Variants in MYBPC1 observed in about 807,000 individuals in gnomAD.
MYBPC1 encodes myosin-binding protein C, slow-type.
Under a neutral mutation model 147.1 loss-of-function variants are expected in MYBPC1, and 52 were observed. That is an observed-to-expected ratio of 0.35 (90% CI 0.28 to 0.45). MYBPC1 has a LOEUF of 0.45. Among genes scored for constraint, MYBPC1 ranks in the 20% least tolerant of loss-of-function variants. MYBPC1 has a pLI of 1.00. For missense variants in MYBPC1, 1,228 were observed against 1,440.3 expected, an observed-to-expected ratio of 0.85 and a Z score of 2.39; for synonymous variants, 477 against 475.9, an observed-to-expected ratio of 1.00 and a Z score of -0.03.
In MYBPC1 at chr12:101,651,226, T is replaced by C; in HGVS notation, c.1364-5T>C. 3 of 1,614,120 alleles carry C rather than the reference T, an allele frequency of 1.9e-6. No individual in the cohort carries two copies. Among genetic ancestry groups the C allele is most frequent in the Non-Finnish European group, 2.5e-6 (3 of 1,179,956 alleles). On this transcript the variant is annotated splice_region_variant and splice_polypyrimidine_tract_variant and intron_variant, in intron 15 of 31. Transcript: ENST00000361466. ...GGCATTTGTGATGGTCTATCATTTC[T>C]ACAGTGAAACCTCTGAAGATTTTGA...
At chr12:101,597,242 T>A (rs1877657908) in intron 1 of MYBPC1, among the ~76,000 whole-genome samples, 1 of 152,182 alleles carries the variant, frequency 6.6e-6, no homozygotes, top group Non-Finnish European at 1.5e-5. Flanking sequence ...TTCTTCAGAA[T>A]CATTTCAAAA....
At chr12:101,673,871 T>G (rs938765455) in intron 25 of MYBPC1, among the ~76,000 whole-genome samples, 2 of 151,908 alleles carry the variant, frequency 1.3e-5, no homozygotes, top group Non-Finnish European at 2.9e-5. Flanking sequence ...TGGCCAACAT[T>G]GTGAAGCCCC....
chr12:101,609,580 C>A (rs985374640), intron 1 of MYBPC1, among the ~76,000 whole-genome samples: 3 of 152,038 alleles, frequency 2.0e-5, no homozygotes, highest in Non-Finnish European at 4.4e-5. Flanking sequence ...AATCATGAAC[C>A]CTACTGCTGC....
chr12:101,652,011 GTC>G (rs1565961182), intron 16 of MYBPC1, among the ~76,000 whole-genome samples: 1 of 152,160 alleles, frequency 6.6e-6, no homozygotes, highest in Non-Finnish European at 1.5e-5. Flanking sequence ...TGGATTAACC[GTC>G]TCTAACCAAT....
chr12:101,622,306 A>G (rs533216821), intron 3 of MYBPC1, among the ~76,000 whole-genome samples: 8 of 152,352 alleles, frequency 5.3e-5, no homozygotes, highest in South Asian at 4.1e-4. Flanking sequence ...AATAAGAACC[A>G]TTAAACATTT....
At chr12:101,658,130 C>CAAAAAA (rs34952207) in intron 18 of MYBPC1, among the ~76,000 whole-genome samples, 1 of 90,444 alleles carries the variant, frequency 1.1e-5, no homozygotes, top group African/African-American at 4.0e-5. Context: ...GACTCCGTCT[C>CAAAAAA]AAAAAAAAAA....
At chr12:101,695,113 C>T in the MYBPC1 span, among the ~76,000 whole-genome samples, 1 of 152,200 alleles carries the variant, frequency 6.6e-6, no homozygotes, top group African/African-American at 2.4e-5. Context: ...ATCTACTCTT[C>T]CTAGCAAACA....
intron 1 of MYBPC1, among the ~76,000 whole-genome samples, chr12:101,604,165 C>G (rs2135612734): frequency 6.6e-6 from 1 of 152,256 alleles, no homozygotes; most frequent in African/African-American, 2.4e-5. Context: ...AATTTTCCCC[C>G]AGCCCCATGT....
At chr12:101,640,005 C>T (rs915687301) in intron 10 of MYBPC1, among the ~76,000 whole-genome samples, 3 of 152,008 alleles carry the variant, frequency 2.0e-5, no homozygotes, top group African/African-American at 7.2e-5. Context: ...TATGAACATA[C>T]ATATACATCT....
At chr12:101,612,508 C>T (rs2135772867) in intron 1 of MYBPC1, among the ~76,000 whole-genome samples, 1 of 152,302 alleles carries the variant, frequency 6.6e-6, no homozygotes. Context: ...TGCCCATGAA[C>T]AACGGCTTTG....
At chr12:101,685,501 C>A in intron 31 of MYBPC1, 81 bp from the exon 32 acceptor site, 2 of 917,134 alleles carry the variant, frequency 2.2e-6, no homozygotes, top group Non-Finnish European at 3.4e-6. Flanking sequence ...CATTTCCAGG[C>A]AGCTAGTCAA....
intron 9 of MYBPC1, among the ~76,000 whole-genome samples, chr12:101,636,411 C>T (rs972589581): frequency 9.9e-5 from 15 of 152,136 alleles, no homozygotes; most frequent in African/African-American, 3.6e-4. Context: ...TAACACAAAT[C>T]CAAGCAGTTT....
At chr12:101,620,408 G>T (rs1887107013) in intron 3 of MYBPC1, among the ~76,000 whole-genome samples, 1 of 152,222 alleles carries the variant, frequency 6.6e-6, no homozygotes, top group Non-Finnish European at 1.5e-5. Context: ...TTTGCTGAGT[G>T]TTGGCTACAT....
chr12:101,614,701 G>C, intron 2 of MYBPC1, 170 bp downstream of exon 2: 2 of 692,002 alleles, frequency 2.9e-6, no homozygotes, highest in Non-Finnish European at 5.1e-6. Flanking sequence ...ATAATACACT[G>C]TGTTTATATA....
At chr12:101,646,996 T>C in intron 13 of MYBPC1, 109 bp downstream of exon 13, 1 of 1,375,674 alleles carries the variant, frequency 7.3e-7, no homozygotes, top group Admixed American at 1.7e-5. Context: ...GCAGCTATTA[T>C]GGATCCTAAT....
At chr12:101,603,528 CCCA>C (rs1880957306) in intron 1 of MYBPC1, among the ~76,000 whole-genome samples, 1 of 151,914 alleles carries the variant, frequency 6.6e-6, no homozygotes, top group Non-Finnish European at 1.5e-5. Context: ...TTTTTATGAC[CCCA>C]CCTGGCGTCA....
chr12:101,687,063 G>GT (rs920231969), downstream of MYBPC1, among the ~76,000 whole-genome samples: 6 of 151,518 alleles, frequency 4.0e-5, no homozygotes, highest in Non-Finnish European at 4.4e-5. Flanking sequence ...ATAACCCATT[G>GT]TTTTTATATA....
chr12:101,692,947 C>CT, the MYBPC1 span, among the ~76,000 whole-genome samples: 3,319 of 129,100 alleles, frequency 0.026, 296 homozygotes, highest in East Asian at 0.28. Flanking sequence ...ATTACCTTCA[C>CT]TTTTTTTTTT....
Position 101,631,724 on chromosome 12 carries a change from G to A in MYBPC1, c.438+5G>A. On this transcript the variant is annotated splice_donor_5th_base_variant and intron_variant, in intron 7 of 31. Coordinates refer to ENST00000361466, the MANE Select transcript of MYBPC1 (RefSeq NM_002465.4). ...ACCTTTGAGAGGCACAGTCGGGTAA[G>A]GCCCTGAACTCCCAGGACAGGCGCT... The A allele has an allele frequency of 6.2e-7, 1 of 1,614,040 alleles. No individual in the cohort carries two copies. The highest frequency in any genetic ancestry group is 8.5e-7 in the Non-Finnish European group (1 of 1,180,040).
Sources: gnomAD v4.1 joint callset for allele counts (sites outside exome capture counted in the v4.1 genomes callset) on GRCh38, gnomAD v4.1.1 for gene constraint, MANE v1.5 for transcripts, NCBI Gene and HGNC (gene_info 2026-07-23, HGNC 2026-07-21) for gene names.